GRHL2: variants seen among roughly 807,000 people sequenced by gnomAD.
GRHL2 encodes grainyhead like transcription factor 2.
In GRHL2, 21 loss-of-function variants were observed where a neutral mutation model predicts 83.8. The observed-to-expected ratio is 0.25, with a 90% CI of 0.18 to 0.36. The LOEUF (loss-of-function observed/expected upper bound fraction) is 0.36. Among genes scored for constraint, GRHL2 ranks in the 10% least tolerant of loss-of-function variants. GRHL2 has a pLI of 1.00. For missense variants in GRHL2, 623 were observed against 781.8 expected (o/e 0.80, Z 2.42); for synonymous variants, 280 against 278.9 (o/e 1.00, Z -0.04).
intron 12 of GRHL2, among the ~76,000 whole-genome samples, chr8:101,637,746 T>C (rs1344973913): frequency 6.6e-6 from 1 of 152,186 alleles, no homozygotes; most frequent in Non-Finnish European, 1.5e-5. Flanking sequence ...TATTGGACGA[T>C]TCCAGCTCGT....
At chr8:101,643,269 C>T (rs979082607) in intron 12 of GRHL2, among the ~76,000 whole-genome samples, 2 of 150,800 alleles carry the variant, frequency 1.3e-5, no homozygotes, top group South Asian at 2.1e-4. Flanking sequence ...TTTCTAAAAA[C>T]CTGCATCTGT....
chr8:101,523,120 C>T (rs1717017271), intron 1 of GRHL2, among the ~76,000 whole-genome samples: 1 of 152,004 alleles, frequency 6.6e-6, no homozygotes, highest in Non-Finnish European at 1.5e-5. Flanking sequence ...CCACATTGCC[C>T]AGGCTGGTCT....
chr8:101,504,683 G>A, intron 1 of GRHL2, among the ~76,000 whole-genome samples: 1 of 151,432 alleles, frequency 6.6e-6, no homozygotes, highest in East Asian at 1.9e-4. Context: ...ATTTTTTTTA[G>A]AGTATAGACT....
At chr8:101,571,382 G>T (rs1179099007) in intron 5 of GRHL2, among the ~76,000 whole-genome samples, 1 of 152,030 alleles carries the variant, frequency 6.6e-6, no homozygotes, top group Admixed American at 6.6e-5. Context: ...GCAGCTGGGC[G>T]TGGTGGCTCA....
chr8:101,616,801 A>G (rs1454773898), intron 8 of GRHL2, among the ~76,000 whole-genome samples: 3 of 152,240 alleles, frequency 2.0e-5, no homozygotes, highest in South Asian at 2.1e-4. Flanking sequence ...TATCCCCTAT[A>G]TCTAATGTTG....
At chr8:101,522,434 A>G (rs1241434536) in intron 1 of GRHL2, among the ~76,000 whole-genome samples, 1 of 152,232 alleles carries the variant, frequency 6.6e-6, no homozygotes, top group Non-Finnish European at 1.5e-5. Flanking sequence ...ATACCAGGCC[A>G]TTTTATATAC....
chr8:101,497,407 G>C (rs1305434074), intron 1 of GRHL2, among the ~76,000 whole-genome samples: 2 of 152,308 alleles, frequency 1.3e-5, no homozygotes, highest in South Asian at 4.1e-4. Context: ...TTTGTCCACT[G>C]TGTCTGGAGG....
At position 101,570,035 on chromosome 8, in the gene GRHL2, G is replaced by A. The variant is rs551961271; in HGVS notation, c.679-304G>A. Among the ~76,000 whole-genome samples the A allele has an allele frequency of 6.6e-5, 10 of 152,254 alleles. No individual in the cohort carries two copies. The South Asian group carries it at 1.9e-3, about 28-fold the overall frequency. On this transcript the variant is annotated intron_variant, in intron 4 of 15. Coordinates refer to ENST00000646743, the MANE Select transcript of GRHL2 (RefSeq NM_024915.4). ...TTTGGAATAAGTGTTGGAGACAATA[G>A]CAAATGGAAGAGATGTATTATCTAT...
chr8:101,546,116 G>A (rs905057294), intron 2 of GRHL2, among the ~76,000 whole-genome samples: 3 of 151,904 alleles, frequency 2.0e-5, no homozygotes, highest in Non-Finnish European at 4.4e-5. Flanking sequence ...TCTTGACCTC[G>A]TGATCTGCCC....
chr8:101,599,825 C>A (rs1812473688), intron 8 of GRHL2, among the ~76,000 whole-genome samples: 2 of 152,206 alleles, frequency 1.3e-5, no homozygotes, highest in South Asian at 4.1e-4. Flanking sequence ...TGCTTTCCAG[C>A]CACGAGTCTC....
At chr8:101,653,718 GGA>G (rs1380048174) in intron 14 of GRHL2, among the ~76,000 whole-genome samples, 2 of 150,078 alleles carry the variant, frequency 1.3e-5, no homozygotes, top group African/African-American at 5.0e-5. Flanking sequence ...CTCCAGACTG[GGA>G]GAGAGTGACT....
At chr8:101,630,872 G>A (rs561691672) in intron 9 of GRHL2, among the ~76,000 whole-genome samples, 2 of 152,282 alleles carry the variant, frequency 1.3e-5, no homozygotes, top group South Asian at 4.1e-4. Flanking sequence ...TAACCAAAGA[G>A]AAAAGATAGG....
At position 101,611,892 on chromosome 8, in the gene GRHL2, G is replaced by T. The variant is rs1344828419; in HGVS notation, c.1099-7647G>T. Among the ~76,000 whole-genome samples the T allele has an allele frequency of 2.7e-5, 4 of 150,870 alleles. 1 individual carries two copies. Among genetic ancestry groups the T allele is most frequent in the African/African-American group, 9.9e-5 (4 of 40,346 alleles). ...TGATCTCTCCATTTTTTCAGAGGCA[G>T]CATGCGCTTTCTTTCTCTTCCATCT... is the stretch of plus-strand genomic sequence containing the variant. On this transcript the variant is annotated intron_variant, in intron 8 of 15. Coordinates refer to ENST00000646743, the MANE Select transcript of GRHL2 (RefSeq NM_024915.4).
chr8:101,679,996 A>G, the GRHL2 span, among the ~76,000 whole-genome samples: 5 of 118,586 alleles, frequency 4.2e-5, 1 homozygote, highest in African/African-American at 1.8e-4. Flanking sequence ...GACCATCGAG[A>G]CTAGGAAGAA....
chr8:101,582,511 G>A (rs750515526), intron 7 of GRHL2, among the ~76,000 whole-genome samples: 3 of 152,288 alleles, frequency 2.0e-5, no homozygotes, highest in East Asian at 1.9e-4. Context: ...CCCTGATTAA[G>A]CTGTTTCTAT....
rs1461639980 is a variant in GRHL2 at position 101,669,021 on chromosome 8, G to A, written c.*2318G>A. Reference sequence around the variant, plus strand: ...CAGTGCCACCAGAGGGTGGTGCCAAGTGCCACATCCCTTCCGATCCATTCC... The same window carrying A: ...CAGTGCCACCAGAGGGTGGTGCCAAATGCCACATCCCTTCCGATCCATTCC... On this transcript the variant is annotated 3_prime_UTR_variant, in exon 16 of 16. Coordinates refer to ENST00000646743, the MANE Select transcript of GRHL2 (RefSeq NM_024915.4). The A allele has an allele frequency of 1.3e-5, 2 of 152,222 alleles. No homozygotes were observed. The highest frequency in any genetic ancestry group is 4.8e-5 in the African/African-American group (2 of 41,434). The allele number at this position is 152,222 out of a possible 1,614,324, so 9.4% of individuals were successfully genotyped here.
chr8:101,670,955 A>T (rs1814195282), downstream of GRHL2, among the ~76,000 whole-genome samples: 1 of 152,042 alleles, frequency 6.6e-6, no homozygotes, highest in African/African-American at 2.4e-5. Context: ...AACTTTGGGG[A>T]CTCAGGAATT....
chr8:101,553,570 C>A (rs1811430153), intron 3 of GRHL2, among the ~76,000 whole-genome samples: 1 of 151,750 alleles, frequency 6.6e-6, no homozygotes, highest in Non-Finnish European at 1.5e-5. Context: ...AGAGACAGGA[C>A]CAGAAGGGAC....
chr8:101,609,489 C>T (rs2130342595), intron 8 of GRHL2, among the ~76,000 whole-genome samples: 1 of 150,992 alleles, frequency 6.6e-6, no homozygotes, highest in East Asian at 1.9e-4. Flanking sequence ...AGAAGGCTGC[C>T]CTTGATTTAA....
Sources: gnomAD v4.1 joint callset for allele counts (sites outside exome capture counted in the v4.1 genomes callset) on GRCh38, gnomAD v4.1.1 for gene constraint, MANE v1.5 for transcripts, NCBI Gene and HGNC (gene_info 2026-07-23, HGNC 2026-07-21) for gene names.